FRMD5: variants seen among roughly 807,000 people sequenced by gnomAD.
FRMD5 encodes FERM domain-containing protein 5.
A neutral mutation model predicts 69.0 loss-of-function variants in FRMD5; 20 were observed. That is an observed-to-expected ratio of 0.29 (90% confidence interval 0.20 to 0.42). The LOEUF is 0.42. Ranked by LOEUF, FRMD5 falls within the 10% of genes least tolerant of loss-of-function variation. FRMD5 has a pLI of 1.00. For synonymous variants in FRMD5, 271 were observed against 260.1 expected, an observed-to-expected ratio of 1.04 and a Z score of -0.40; for missense variants, 595 against 708.6, an observed-to-expected ratio of 0.84 and a Z score of 1.82.
At chr15:43,943,515 G>C (rs1445636870) in intron 1 of FRMD5, among the ~76,000 whole-genome samples, 1 of 152,214 alleles carries the variant, frequency 6.6e-6, no homozygotes, top group Non-Finnish European at 1.5e-5. Context: ...CAGAACCTTA[G>C]AATGTGACCT....
intron 1 of FRMD5, among the ~76,000 whole-genome samples, chr15:44,049,845 A>G (rs186989601): frequency 6.6e-6 from 1 of 152,300 alleles, no homozygotes; most frequent in East Asian, 1.9e-4. Context: ...GAGTTCTCCA[A>G]TTGGGAATGA....
intron 1 of FRMD5, among the ~76,000 whole-genome samples, chr15:43,958,811 C>A (rs2090154046): frequency 6.6e-6 from 1 of 152,166 alleles, no homozygotes; most frequent in Non-Finnish European, 1.5e-5. Context: ...CTTATTAGTA[C>A]TCCTATTGCT....
chr15:44,035,255 C>T (rs1891855717), intron 1 of FRMD5, among the ~76,000 whole-genome samples: 1 of 152,116 alleles, frequency 6.6e-6, no homozygotes, highest in African/African-American at 2.4e-5. Flanking sequence ...TCTTGCCATG[C>T]CATGCTGACA....
Position 43,951,206 on chromosome 15 carries a change from G to A in FRMD5, c.103-26897C>T, listed in dbSNP as rs1595552138. On this transcript the variant is annotated intron_variant, in intron 1 of 13. Transcript: ENST00000417257. ...GAGGCCAAGGTGGGCAGATCAGAAG[G>A]TCAGGAGATCGAGACCATCCTGGCT... Among the ~76,000 whole-genome samples, 3 of 152,086 alleles carry A rather than the reference G, an allele frequency of 2.0e-5. No homozygotes were observed. The East Asian group carries it at 5.8e-4, about 29-fold the overall frequency.
intron 1 of FRMD5, among the ~76,000 whole-genome samples, chr15:44,086,425 T>C (rs997829349): frequency 6.6e-6 from 1 of 152,206 alleles, no homozygotes; most frequent in Non-Finnish European, 1.5e-5. Context: ...TGGATGAACC[T>C]TGAAAATGTA....
At chr15:44,095,600 G>C (rs1225326314) in intron 1 of FRMD5, among the ~76,000 whole-genome samples, 2 of 152,120 alleles carry the variant, frequency 1.3e-5, no homozygotes, top group African/African-American at 4.8e-5. Context: ...AAGGAGCTCT[G>C]ATTCACCTGT....
chr15:44,061,508 T>C (rs747489597), intron 1 of FRMD5, among the ~76,000 whole-genome samples: 6 of 152,228 alleles, frequency 3.9e-5, no homozygotes, highest in Admixed American at 6.5e-5. Context: ...TTGGCTGGAC[T>C]ATTATCATTA....
chr15:44,171,857 G>A (rs536065024), intron 1 of FRMD5, among the ~76,000 whole-genome samples: 9 of 152,256 alleles, frequency 5.9e-5, no homozygotes, highest in East Asian at 1.9e-4. Flanking sequence ...TCTGTCTCCC[G>A]GGTTCAAATG....
chr15:44,078,561 C>A (rs1366683954), intron 1 of FRMD5, among the ~76,000 whole-genome samples: 1 of 152,102 alleles, frequency 6.6e-6, no homozygotes, highest in Non-Finnish European at 1.5e-5. Context: ...CAGTGTGGTA[C>A]TGTACTGCAT....
At chr15:44,117,212 C>T (rs919312773) in intron 1 of FRMD5, among the ~76,000 whole-genome samples, 4 of 152,088 alleles carry the variant, frequency 2.6e-5, no homozygotes, top group African/African-American at 9.7e-5. Context: ...AATGAAAGTT[C>T]TCTTTGGACT....
intron 1 of FRMD5, among the ~76,000 whole-genome samples, chr15:44,129,362 A>C (rs2077067480): frequency 6.6e-6 from 1 of 152,180 alleles, no homozygotes; most frequent in Admixed American, 6.5e-5. Context: ...GAATTGCAAG[A>C]AGCATTGTCC....
At chr15:43,996,715 A>ATTTTTTTTTTTTTTTTTTTTTTTTTTTTT (rs11397296) in intron 1 of FRMD5, among the ~76,000 whole-genome samples, 2 of 86,018 alleles carry the variant, frequency 2.3e-5, no homozygotes, top group Non-Finnish European at 3.9e-5. Flanking sequence ...TCCTCAGCTG[A>ATTTTTTTTTTTTTTTTTTTTTTTTTTTTT]TTTTTTTTTT....
intron 1 of FRMD5, among the ~76,000 whole-genome samples, chr15:44,082,560 T>C (rs1326777600): frequency 6.6e-6 from 1 of 152,026 alleles, no homozygotes; most frequent in Non-Finnish European, 1.5e-5. Flanking sequence ...AGAAATTCTA[T>C]GAGACAGGAA....
intron 7 of FRMD5, among the ~76,000 whole-genome samples, chr15:43,896,937 T>C (rs987316759): frequency 1.3e-5 from 2 of 152,126 alleles, no homozygotes; most frequent in South Asian, 4.1e-4. Flanking sequence ...AGTTTGAATA[T>C]ACTACACTTA....
At chr15:44,045,781 G>A (rs1006477514) in intron 1 of FRMD5, among the ~76,000 whole-genome samples, 1 of 152,160 alleles carries the variant, frequency 6.6e-6, no homozygotes, top group African/African-American at 2.4e-5. Context: ...TCTTTGATAA[G>A]TGAATACAAT....
At chr15:43,944,771 C>T (rs570759493) in intron 1 of FRMD5, among the ~76,000 whole-genome samples, 40 of 152,138 alleles carry the variant, frequency 2.6e-4, no homozygotes, top group Admixed American at 2.4e-3. Context: ...GTCTGTCCCA[C>T]GCATACATAG....
At chr15:43,979,872 TAAAG>T (rs2090521702) in intron 1 of FRMD5, among the ~76,000 whole-genome samples, 1 of 152,086 alleles carries the variant, frequency 6.6e-6, no homozygotes, top group Non-Finnish European at 1.5e-5. Context: ...TAAAAAAAAT[TAAAG>T]AAGAAGCAAC....
intron 1 of FRMD5, among the ~76,000 whole-genome samples, chr15:44,145,363 C>G (rs1046447281): frequency 3.9e-5 from 6 of 152,172 alleles, no homozygotes; most frequent in Non-Finnish European, 5.9e-5. Context: ...CTCACTATTT[C>G]AAGTAAAGTA....
intron 1 of FRMD5, among the ~76,000 whole-genome samples, chr15:44,106,585 TA>T (rs558318173): frequency 5.8e-4 from 88 of 152,318 alleles, no homozygotes; most frequent in Middle Eastern, 3.4e-3. Flanking sequence ...GAAGGCTTAA[TA>T]AATGTGGTTC....
Sources: gnomAD v4.1 joint callset for allele counts (sites outside exome capture counted in the v4.1 genomes callset) on GRCh38, gnomAD v4.1.1 for gene constraint, MANE v1.5 for transcripts, NCBI Gene and HGNC (gene_info 2026-07-23, HGNC 2026-07-21) for gene names.